Variants in TBC1D5 observed in about 807,000 individuals in gnomAD.
TBC1D5 encodes the protein TBC1 domain family member 5.
TBC1D5 carries 75 observed loss-of-function variants against 100.3 expected under a neutral mutation model. That is an observed-to-expected ratio of 0.75 (90% CI 0.62 to 0.91). The LOEUF (loss-of-function observed/expected upper bound fraction) is 0.91, where lower values mean the gene tolerates loss of function less well. TBC1D5 is among the 40% of genes least tolerant of loss of function. The pLI, the probability that TBC1D5 is intolerant of heterozygous loss-of-function variation, is 0.00. For missense variants in TBC1D5, 910 were observed against 942.4 expected, an observed-to-expected ratio of 0.97 and a Z score of 0.45; for synonymous variants, 323 against 325.6, an observed-to-expected ratio of 0.99 and a Z score of 0.09.
chr3:17,710,501 T>C (rs1177505337), intron 1 of TBC1D5, among the ~76,000 whole-genome samples: 1 of 150,276 alleles, frequency 6.7e-6, no homozygotes, highest in Non-Finnish European at 1.5e-5. Flanking sequence ...GAGGCGGAGG[T>C]TGCAGTGAGC....
intron 2 of TBC1D5, among the ~76,000 whole-genome samples, chr3:17,553,048 G>C (rs2096486983): frequency 6.6e-6 from 1 of 152,032 alleles, no homozygotes; most frequent in South Asian, 2.1e-4. Context: ...ATACAAAATT[G>C]ACTACATGAT....
intron 3 of TBC1D5, among the ~76,000 whole-genome samples, chr3:17,459,519 C>T (rs2095160269): frequency 6.6e-6 from 1 of 152,164 alleles, no homozygotes; most frequent in Non-Finnish European, 1.5e-5. Flanking sequence ...ATACTTCAAA[C>T]ATTCAAAAAT....
intron 8 of TBC1D5, among the ~76,000 whole-genome samples, chr3:17,384,638 T>A (rs543621883): frequency 6.6e-6 from 1 of 151,894 alleles, no homozygotes. Context: ...CACAGAGAGT[T>A]TGAACAATAA....
intron 1 of TBC1D5, among the ~76,000 whole-genome samples, chr3:17,624,853 T>C (rs985442605): frequency 6.6e-6 from 1 of 152,030 alleles, no homozygotes; most frequent in South Asian, 2.1e-4. Context: ...AAACTGCTAA[T>C]GAAGTAAAAC....
intron 19 of TBC1D5, among the ~76,000 whole-genome samples, chr3:17,175,317 T>C (rs1380937716): frequency 7.4e-6 from 1 of 135,536 alleles, no homozygotes; most frequent in Non-Finnish European, 1.6e-5. Flanking sequence ...CCAATAGTTC[T>C]CTTAAGTGAA....
At chr3:17,407,243 G>A (rs1285149235) in intron 4 of TBC1D5, among the ~76,000 whole-genome samples, 1 of 152,076 alleles carries the variant, frequency 6.6e-6, no homozygotes, top group East Asian at 1.9e-4. Context: ...TAATATACAA[G>A]TAAATCTGCT....
intron 13 of TBC1D5, among the ~76,000 whole-genome samples, chr3:17,325,747 C>T (rs372747484): frequency 2.1e-4 from 32 of 152,146 alleles, no homozygotes; most frequent in African/African-American, 7.0e-4. Flanking sequence ...TCAATGATTA[C>T]CAGGGATTGA....
chr3:17,245,730 A>G lies in TBC1D5; in HGVS notation c.1332-7311T>C, dbSNP rs186735711. On this transcript the variant is annotated intron_variant, in intron 16 of 21. Transcript: ENST00000253692. ...ATCAAATCATTAAACTTCTCAAGATATACATATAGGAAAAGAAACTGAGAT... is the reference window on the plus strand; with the variant it reads ...ATCAAATCATTAAACTTCTCAAGATGTACATATAGGAAAAGAAACTGAGAT... 8.5e-5 allele frequency among the ~76,000 whole-genome samples: 13 copies of G among 152,362 alleles called. No individual in the cohort carries two copies. In the East Asian group the frequency reaches 2.1e-3, roughly 25 times the overall value.
At chr3:17,309,350 A>G (rs2083736042) in intron 13 of TBC1D5, among the ~76,000 whole-genome samples, 1 of 152,058 alleles carries the variant, frequency 6.6e-6, no homozygotes, top group South Asian at 2.1e-4. Context: ...AATCAATAGA[A>G]TAATTAGATT....
At chr3:17,164,517 T>C (rs1283692028) in intron 21 of TBC1D5, among the ~76,000 whole-genome samples, 2 of 152,204 alleles carry the variant, frequency 1.3e-5, no homozygotes, top group Non-Finnish European at 2.9e-5. Context: ...ATATATCCCA[T>C]AGCCTTGGAC....
intron 3 of TBC1D5, among the ~76,000 whole-genome samples, chr3:17,470,585 C>T (rs961590668): frequency 6.6e-6 from 1 of 151,974 alleles, no homozygotes; most frequent in East Asian, 1.9e-4. Context: ...GTATTAATGG[C>T]ACAAGGGTCT....
intron 4 of TBC1D5, among the ~76,000 whole-genome samples, chr3:17,419,931 C>G (rs927025150): frequency 2.0e-5 from 3 of 152,144 alleles, no homozygotes; most frequent in Non-Finnish European, 4.4e-5. Context: ...CTCCTTAACT[C>G]AAGTGATCCT....
chr3:17,632,777 T>G (rs1036262289), intron 1 of TBC1D5, among the ~76,000 whole-genome samples: 2 of 152,180 alleles, frequency 1.3e-5, no homozygotes, highest in African/African-American at 4.8e-5. Context: ...ATGTACGTTG[T>G]TTTTTACACA....
chr3:17,289,959 G>T (rs1182729334), intron 15 of TBC1D5, among the ~76,000 whole-genome samples: 1 of 152,166 alleles, frequency 6.6e-6, no homozygotes, highest in Non-Finnish European at 1.5e-5. Context: ...CTACCATTTT[G>T]CAGGGTTAGC....
chr3:17,509,909 T>A (rs1254574061), intron 2 of TBC1D5, among the ~76,000 whole-genome samples: 1 of 152,034 alleles, frequency 6.6e-6, no homozygotes, highest in Non-Finnish European at 1.5e-5. Context: ...TTGAATAAAT[T>A]TTGTTTTAAA....
At chr3:17,295,577 T>C (rs1396848975) in intron 14 of TBC1D5, among the ~76,000 whole-genome samples, 1 of 152,224 alleles carries the variant, frequency 6.6e-6, no homozygotes, top group African/African-American at 2.4e-5. Context: ...AAGTAACTGT[T>C]TTGAGAAAGT....
chr3:17,679,026 A>ATC (rs748601094), intron 1 of TBC1D5, among the ~76,000 whole-genome samples: 3 of 151,118 alleles, frequency 2.0e-5, no homozygotes, highest in Non-Finnish European at 2.9e-5. Context: ...AGAGTAAAAT[A>ATC]GAGTTATTTC....
intron 2 of TBC1D5, among the ~76,000 whole-genome samples, chr3:17,590,277 C>G (rs1257364373): frequency 6.6e-6 from 1 of 152,158 alleles, no homozygotes; most frequent in Non-Finnish European, 1.5e-5. Context: ...AGAGTTAGAT[C>G]AGGCTGAATT....
intron 9 of TBC1D5, 128 bp downstream of exon 9, chr3:17,383,783 ACT>A: frequency 1.7e-6 from 1 of 594,042 alleles, no homozygotes; most frequent in Non-Finnish European, 2.8e-6. Flanking sequence ...CTGACAAGCA[ACT>A]CTCTGATTGC....
Sources: gnomAD v4.1 joint callset for allele counts (sites outside exome capture counted in the v4.1 genomes callset) on GRCh38, gnomAD v4.1.1 for gene constraint, MANE v1.5 for transcripts, NCBI Gene and HGNC (gene_info 2026-07-23, HGNC 2026-07-21) for gene names.